RFX1: variants seen among roughly 807,000 people sequenced by gnomAD.
The protein encoded by RFX1 is regulatory factor X1.
RFX1 carries 42 observed loss-of-function variants against 119.6 expected under a neutral mutation model. The ratio of observed to expected loss-of-function variants is 0.35; its 90% CI spans 0.27 to 0.45. The LOEUF (loss-of-function observed/expected upper bound fraction) is 0.45, where lower values mean the gene tolerates loss of function less well. RFX1 is among the 20% of genes least tolerant of loss of function. The probability of loss-of-function intolerance (pLI) is 1.00; values close to 1 mark genes in which losing one functional copy is unlikely to be tolerated. For synonymous variants in RFX1, 628 were observed against 618.5 expected (o/e 1.02, Z -0.23); for missense variants, 1,118 against 1,368.1 (o/e 0.82, Z 2.88).
rs556263810 is a variant in RFX1 at position 13,990,583 on chromosome 19, C to T, written c.319+2942G>A. 6.6e-5 allele frequency among the ~76,000 whole-genome samples: 10 copies of T among 152,068 alleles called. No homozygotes were observed. Among genetic ancestry groups the T allele is most frequent in the Admixed American group, 2.6e-4 (4 of 15,254 alleles). ...CTGTAATCCCAGCACTTTTGGAGGC[C>T]GAGGCGGGTGGATCACGAGGTCAGG... On this transcript the variant is annotated intron_variant, in intron 2 of 20. Coordinates refer to ENST00000254325, the MANE Select transcript of RFX1 (RefSeq NM_002918.5). This position sits in a 1 kb window ranked among gnomAD's most constrained non-coding sequence, Gnocchi z 4.1.
chr19:13,964,069 C>T lies in RFX1; in HGVS notation c.2212-62G>A, dbSNP rs1002966021. ...GAACCCCAGCCCGCCAGCCCTGGCC[C>T]CACCCCGCTGCAACCTCCCTAAGCC... is the stretch of plus-strand genomic sequence containing the variant. On this transcript the variant is annotated intron_variant, in intron 16 of 20. Transcript: ENST00000254325. The T allele has an allele frequency of 4.2e-5, 62 of 1,479,622 alleles. No homozygotes were observed. The Admixed American group carries it at 5.2e-4, about 12-fold the overall frequency. 91.7% of individuals were successfully genotyped at this position (1,479,622 alleles called of 1,614,324 possible).
Position 13,963,986 on chromosome 19 carries a change from C to T in RFX1, c.2233G>A (p.Ala745Thr), listed in dbSNP as rs756267517. The T allele has an allele frequency of 3.9e-6, 6 of 1,536,538 alleles. No individual in the cohort carries two copies. Among genetic ancestry groups the T allele is most frequent in the Non-Finnish European group, 5.2e-6 (6 of 1,146,634 alleles). The change falls in exon 17 of 21, where the codon GCG (alanine) becomes ACG (threonine). Residue 745 changes from alanine to threonine, a missense_variant. Physicochemically the swap from Ala to Thr is moderately conservative, Grantham distance 58. Coordinates refer to ENST00000254325, the MANE Select transcript of RFX1 (RefSeq NM_002918.5). ...RVKVAAAGAF[A>T]QTLRRYTSLN... The stretch of plus-strand genomic sequence containing the variant: ...GACGTGTAGCGCCGCAGTGTCTGCG[C>T]GAAGGCGCCAGCCGCGGCCACCTGC...
intron 7 of RFX1, among the ~76,000 whole-genome samples, chr19:13,978,371 G>T (rs1205807721): frequency 6.6e-6 from 1 of 152,162 alleles, no homozygotes; most frequent in African/African-American, 2.4e-5. Flanking sequence ...GGGCGTGAAG[G>T]TTGGACCCCA....
In RFX1 at chr19:13,963,651, C is replaced by T. The variant is rs1973794238; in HGVS notation, c.2457G>A (p.Glu819=). The part of the protein sequence containing the change: ...KVTLQQQNSL[E]QWAAWLDGVV... ...CGCCGTCCAGCCAGGCCGCCCACTG[C>T]TCCAGCGAGTTCTGCTGCTGCAGCG... The change falls in exon 18 of 21, where the codon GAG becomes GAA. Residue 819 remains glutamate, a synonymous_variant. Coordinates refer to ENST00000254325, the MANE Select transcript of RFX1 (RefSeq NM_002918.5). The T allele has an allele frequency of 8.1e-6, 13 of 1,602,906 alleles. No individual in the cohort carries two copies. Among genetic ancestry groups the T allele is most frequent in the Admixed American group, 1.7e-5 (1 of 59,442 alleles).
chr19:14,002,919 C>T (rs1975263847), intron 1 of RFX1, among the ~76,000 whole-genome samples: 1 of 152,214 alleles, frequency 6.6e-6, no homozygotes, highest in Admixed American at 6.5e-5. Flanking sequence ...ACAATGTCCA[C>T]ATCCCCGCTC....
chr19:13,983,132 G>T lies in RFX1; in HGVS notation c.513+55C>A, dbSNP rs1218555605. ...AGATCCAGGCTTGCCACAGGGGGTT[G>T]GTCCTCCACCCTGAGGGAGCCTTCC... On this transcript the variant is annotated intron_variant, in intron 4 of 20. Coordinates refer to ENST00000254325, the MANE Select transcript of RFX1 (RefSeq NM_002918.5). 8.3e-6 allele frequency: 11 copies of T among 1,321,038 alleles called. No homozygotes were observed. The African/African-American group carries it at 8.7e-5, about 10-fold the overall frequency. 81.8% of individuals were successfully genotyped at this position (1,321,038 alleles called of 1,614,324 possible).
intron 9 of RFX1, among the ~76,000 whole-genome samples, chr19:13,971,427 C>T (rs535871593): frequency 6.6e-6 from 1 of 152,162 alleles, no homozygotes; most frequent in Non-Finnish European, 1.5e-5. Context: ...CTGACCCACC[C>T]CACAATCACA....
chr19:13,963,342 C>A, intron 18 of RFX1, 67 bp from the exon 19 acceptor site: 1 of 1,531,836 alleles, frequency 6.5e-7, no homozygotes, highest in Admixed American at 1.9e-5. Flanking sequence ...CCCCTCCCCG[C>A]TGCGATGCGC....
chr19:13,964,898 G>A (rs1352000710), intron 16 of RFX1, among the ~76,000 whole-genome samples: 1 of 152,126 alleles, frequency 6.6e-6, no homozygotes, highest in Admixed American at 6.5e-5. Flanking sequence ...CATGAGTCTC[G>A]CTGTTTCTTC....
At chr19:13,967,967 A>G (rs1027330932) in intron 12 of RFX1, among the ~76,000 whole-genome samples, 1 of 151,710 alleles carries the variant, frequency 6.6e-6, no homozygotes, top group African/African-American at 2.4e-5. Flanking sequence ...TTGAAATCTC[A>G]TGTATGCCGG....
At chr19:13,993,930 A>T (rs997937335) in intron 1 of RFX1, 35 bp from the exon 2 acceptor site, 43 of 1,065,660 alleles carry the variant, frequency 4.0e-5, no homozygotes, top group Non-Finnish European at 5.8e-5. Flanking sequence ...GGAGAGAAAA[A>T]CAAAACAAAA....
intron 1 of RFX1, among the ~76,000 whole-genome samples, chr19:14,001,560 C>T (rs977149032): frequency 5.3e-5 from 8 of 152,190 alleles, no homozygotes; most frequent in Admixed American, 6.5e-5. Context: ...CTCAGCCTCC[C>T]GAAGTGCTGG....
At chr19:13,975,127 G>A (rs1205736343) in intron 8 of RFX1, among the ~76,000 whole-genome samples, 3 of 151,630 alleles carry the variant, frequency 2.0e-5, no homozygotes, top group Non-Finnish European at 2.9e-5. Flanking sequence ...AGGCCAAGGC[G>A]GGTGGATCAC....
Position 13,963,525 on chromosome 19 carries a change from G to T in RFX1, c.2570+13C>A. On this transcript the variant is annotated intron_variant, in intron 18 of 20. Transcript: ENST00000254325. ...CCTGGTGCCGCCCGGACCCGATCCC[G>T]CCGCGCGCGCACCTGTAGAAGGACC... is the stretch of plus-strand genomic sequence containing the variant. The T allele has an allele frequency of 6.3e-7, 1 of 1,595,978 alleles. No homozygotes were observed.
At chr19:13,967,238 C>T (rs562635917) in intron 12 of RFX1, among the ~76,000 whole-genome samples, 1 of 152,294 alleles carries the variant, frequency 6.6e-6, no homozygotes, top group African/African-American at 2.4e-5. Context: ...AAATGAGCTC[C>T]CACGTGCTCA....
chr19:13,992,665 T>C (rs1328772967), intron 2 of RFX1, among the ~76,000 whole-genome samples: 1 of 152,088 alleles, frequency 6.6e-6, no homozygotes, highest in Non-Finnish European at 1.5e-5. Flanking sequence ...ATGCGTCCCC[T>C]GAGAGAGAGG....
At position 13,986,276 on chromosome 19, in the gene RFX1, A is replaced by G. The variant is rs1029675690; in HGVS notation, c.320-2681T>C. On this transcript the variant is annotated intron_variant, in intron 2 of 20. Coordinates refer to ENST00000254325, the MANE Select transcript of RFX1 (RefSeq NM_002918.5). This position sits in a 1 kb window ranked among gnomAD's most constrained non-coding sequence, Gnocchi z 4.2. ...AGGGCTCAGGGGCTGGTCGCTGAGC[A>G]GGACCTACAGCAGGAGGAGGCCTGG... is the stretch of plus-strand genomic sequence containing the variant. 1.1e-4 allele frequency among the ~76,000 whole-genome samples: 16 copies of G among 152,242 alleles called. No individual in the cohort carries two copies. Among genetic ancestry groups the G allele is most frequent in the Admixed American group, 5.9e-4 (9 of 15,310 alleles).
intron 17 of RFX1, 34 bp from the exon 18 acceptor site, chr19:13,963,780 T>C (rs1024283309): frequency 6.7e-7 from 1 of 1,503,232 alleles, no homozygotes; most frequent in Non-Finnish European, 8.9e-7. Context: ...CGCCCGGGGC[T>C]CAGCCGCCGT....
rs945091934 is a variant in RFX1, at chr19:13,962,422, G to A, written c.*273C>T. The A allele has an allele frequency of 1.4e-5, 7 of 484,476 alleles. No homozygotes were observed. The Admixed American group carries it at 2.0e-4, about 14-fold the overall frequency. 30.0% of individuals were successfully genotyped at this position (484,476 alleles called of 1,614,324 possible). On this transcript the variant is annotated 3_prime_UTR_variant, in exon 21 of 21. Coordinates refer to ENST00000254325, the MANE Select transcript of RFX1 (RefSeq NM_002918.5). ...GACGCTGGGGCCTGGGAGGGGGGCG[G>A]CCAAGGGGCCGAGCTGGATGCCCCG...
Sources: allele counts gnomAD v4.1 joint callset (sites outside exome capture counted in the v4.1 genomes callset), GRCh38; gene constraint gnomAD v4.1.1; non-coding constraint Gnocchi (gnomAD v3.1); transcripts MANE v1.5; gene names NCBI Gene and HGNC (gene_info 2026-07-23, HGNC 2026-07-21).